The following STPG2 variants were observed in gnomAD, a reference collection of about 807,000 sequenced individuals.
The protein encoded by STPG2 is sperm-tail PG-rich repeat-containing protein 2.
STPG2 carries 56 observed loss-of-function variants against 54.2 expected under a neutral mutation model. The ratio of observed to expected loss-of-function variants is 1.03; its 90% confidence interval spans 0.83 to 1.29. The LOEUF (loss-of-function observed/expected upper bound fraction) is 1.29, where lower values mean the gene tolerates loss of function less well. STPG2 is among the 50% of genes most tolerant of loss of function. STPG2 has a pLI of 0.00. For synonymous variants in STPG2, 200 were observed against 181.8 expected (o/e 1.10, Z -0.81); for missense variants, 596 against 544.9 (o/e 1.09, Z -0.93).
At chr4:98,003,746 C>T (rs1390832930) in intron 5 of STPG2, among the ~76,000 whole-genome samples, 1 of 152,020 alleles carries the variant, frequency 6.6e-6, no homozygotes, top group Non-Finnish European at 1.5e-5. Flanking sequence ...TACTTTAAAA[C>T]CCCAACATAC....
At chr4:97,471,701 A>C (rs1729940748) in intron 4 of STPG2, among the ~76,000 whole-genome samples, 1 of 152,188 alleles carries the variant, frequency 6.6e-6, no homozygotes, top group African/African-American at 2.4e-5. Flanking sequence ...TTATTTTAAA[A>C]TTCATTTTAA....
chr4:97,661,041 A>T (rs1722361254), intron 10 of STPG2, among the ~76,000 whole-genome samples: 1 of 151,566 alleles, frequency 6.6e-6, no homozygotes, highest in South Asian at 2.1e-4. Flanking sequence ...AAACCGATAT[A>T]AAAAAATAAG....
At chr4:97,635,191 T>A (rs922403865) in intron 10 of STPG2, among the ~76,000 whole-genome samples, 2 of 152,132 alleles carry the variant, frequency 1.3e-5, no homozygotes, top group Non-Finnish European at 2.9e-5. Context: ...ATATTCAACA[T>A]TCTTAAAGAA....
intron 8 of STPG2, among the ~76,000 whole-genome samples, chr4:97,872,531 A>G (rs1730027358): frequency 6.6e-6 from 1 of 151,296 alleles, no homozygotes; most frequent in Non-Finnish European, 1.5e-5. Flanking sequence ...AACAACAAAG[A>G]AGATGAAAAA....
At chr4:97,874,909 T>C (rs559216549) in intron 8 of STPG2, among the ~76,000 whole-genome samples, 6 of 152,026 alleles carry the variant, frequency 3.9e-5, no homozygotes, top group African/African-American at 1.4e-4. Flanking sequence ...GAAAACTCCT[T>C]GACCTTGAAC....
At chr4:97,692,514 A>G (rs1723404436) in intron 10 of STPG2, among the ~76,000 whole-genome samples, 1 of 152,156 alleles carries the variant, frequency 6.6e-6, no homozygotes, top group African/African-American at 2.4e-5. Context: ...TAATTTTAAA[A>G]AATGTACAAA....
At chr4:97,603,351 T>C (rs1733513543) in intron 10 of STPG2, among the ~76,000 whole-genome samples, 1 of 151,736 alleles carries the variant, frequency 6.6e-6, no homozygotes. Context: ...GGAACAGTTG[T>C]ACATGGCTGT....
chr4:97,703,452 TAC>T (rs1241678815), intron 10 of STPG2, among the ~76,000 whole-genome samples: 7 of 142,834 alleles, frequency 4.9e-5, no homozygotes, highest in African/African-American at 1.8e-4. Flanking sequence ...GCTATATATA[TAC>T]ACACACTATA....
chr4:97,905,766 C>T (rs1180001172), intron 8 of STPG2, among the ~76,000 whole-genome samples: 2 of 151,852 alleles, frequency 1.3e-5, no homozygotes, highest in East Asian at 1.9e-4. Context: ...GGAAGATCTA[C>T]CAAGCAAATG....
chr4:97,919,420 C>A (rs1375001298), intron 8 of STPG2, among the ~76,000 whole-genome samples: 2 of 149,576 alleles, frequency 1.3e-5, no homozygotes, highest in Non-Finnish European at 3.0e-5. Flanking sequence ...TATTGATAAA[C>A]TCCTAGTAAG....
intron 7 of STPG2, among the ~76,000 whole-genome samples, chr4:97,965,555 C>G (rs1734066756): frequency 6.6e-6 from 1 of 152,144 alleles, no homozygotes; most frequent in Admixed American, 6.5e-5. Flanking sequence ...GGGCCCTGAC[C>G]CCCACGTAGA....
At chr4:97,572,025 C>T (rs184807917) in intron 10 of STPG2, among the ~76,000 whole-genome samples, 1 of 152,166 alleles carries the variant, frequency 6.6e-6, no homozygotes, top group Non-Finnish European at 1.5e-5. Context: ...AATAATCGCT[C>T]AAAATGAAGT....
At chr4:97,530,982 T>A (rs1731401461) in intron 4 of STPG2, among the ~76,000 whole-genome samples, 1 of 152,132 alleles carries the variant, frequency 6.6e-6, no homozygotes, top group Admixed American at 6.6e-5. Context: ...ATAACCAGAA[T>A]ATATAAGGAG....
At chr4:97,826,304 T>G (rs887791779) in intron 9 of STPG2, among the ~76,000 whole-genome samples, 1 of 152,230 alleles carries the variant, frequency 6.6e-6, no homozygotes, top group Non-Finnish European at 1.5e-5. Flanking sequence ...TGTGAATTTC[T>G]TGTCTACATT....
At chr4:97,646,721 TAGTA>T (rs201275445) in intron 10 of STPG2, among the ~76,000 whole-genome samples, 2,151 of 152,240 alleles carry the variant, frequency 0.014, 43 homozygotes, top group African/African-American at 0.049. Context: ...TTCAACTGCT[TAGTA>T]AGTGATATAC....
chr4:97,735,095 C>T (rs1018969609), intron 9 of STPG2, among the ~76,000 whole-genome samples: 8 of 149,896 alleles, frequency 5.3e-5, no homozygotes, highest in Middle Eastern at 3.5e-3. Context: ...AGTTTCTGCA[C>T]AACAAAGGAA....
intron 10 of STPG2, among the ~76,000 whole-genome samples, chr4:97,666,172 A>G (rs1201002970): frequency 6.6e-6 from 1 of 152,070 alleles, no homozygotes; most frequent in Admixed American, 6.5e-5. Context: ...GGAGCATAAG[A>G]TTCCAACCCT....
intron 5 of STPG2, among the ~76,000 whole-genome samples, chr4:98,076,306 CTG>C (rs1738166697): frequency 6.7e-6 from 1 of 149,402 alleles, no homozygotes; most frequent in Non-Finnish European, 1.5e-5. Flanking sequence ...ATATGAAAAA[CTG>C]AAAGAACTAA....
intron 10 of STPG2, among the ~76,000 whole-genome samples, chr4:97,630,484 T>C (rs1452570861): frequency 1.3e-5 from 2 of 151,894 alleles, no homozygotes; most frequent in Non-Finnish European, 3.0e-5. Flanking sequence ...CTTAGCTTAA[T>C]GTTATATTCT....
Sources: allele counts gnomAD v4.1 joint callset (sites outside exome capture counted in the v4.1 genomes callset), GRCh38; gene constraint gnomAD v4.1.1; transcripts MANE v1.5; gene names NCBI Gene and HGNC (gene_info 2026-07-23, HGNC 2026-07-21).